CCDC102B: variants seen among roughly 807,000 people sequenced by gnomAD.
CCDC102B encodes coiled-coil domain-containing protein 102B.
Under a neutral mutation model 57.4 loss-of-function variants are expected in CCDC102B, and 75 were observed. The ratio of observed to expected loss-of-function variants is 1.31; its 90% CI spans 1.08 to 1.58. CCDC102B has a LOEUF of 1.58. Ranked by LOEUF, CCDC102B falls within the 40% of genes most tolerant of loss-of-function variation. The pLI is 0.00. For synonymous variants in CCDC102B, 206 were observed against 201.9 expected, an observed-to-expected ratio of 1.02 and a Z score of -0.17; for missense variants, 636 against 582.6, an observed-to-expected ratio of 1.09 and a Z score of -0.94.
At chr18:68,966,642 C>G (rs1355058969) in intron 6 of CCDC102B, among the ~76,000 whole-genome samples, 1 of 152,110 alleles carries the variant, frequency 6.6e-6, no homozygotes, top group East Asian at 1.9e-4. Flanking sequence ...TTGCCGCATT[C>G]CCTGCTGTAT....
In CCDC102B at chr18:68,837,374, G is replaced by GA. The variant is rs757133267; in HGVS notation, c.606+12dup. ...AAGGAGGACACAAATAATAAGGTAA[G>GA]AAAAAAATCCAGAGATGATGTGAAT... On this transcript the variant is annotated splice_donor_region_variant and intron_variant, in intron 2 of 7. Transcript: ENST00000360242. 198 of 1,594,028 alleles carry GA rather than the reference G, an allele frequency of 1.2e-4. No individual in the cohort carries two copies. The highest frequency in any genetic ancestry group is 5.1e-4 in the Middle Eastern group (3 of 5,874).
At chr18:69,028,447 A>T (rs1193282768) in intron 7 of CCDC102B, among the ~76,000 whole-genome samples, 4 of 152,162 alleles carry the variant, frequency 2.6e-5, no homozygotes, top group Non-Finnish European at 5.9e-5. Context: ...GAATTTAAAC[A>T]TTATTTGGCA....
intron 4 of CCDC102B, among the ~76,000 whole-genome samples, chr18:68,869,023 A>T (rs1176339445): frequency 6.6e-6 from 1 of 152,170 alleles, no homozygotes; most frequent in Admixed American, 6.5e-5. Context: ...GGTGACAGAG[A>T]AGGAGAAGTT....
At chr18:68,817,278 C>T (rs1185196575) in intron 1 of CCDC102B, among the ~76,000 whole-genome samples, 1 of 152,184 alleles carries the variant, frequency 6.6e-6, no homozygotes, top group African/African-American at 2.4e-5. Context: ...TACAACAGAA[C>T]TCAGTGGGAC....
intron 2 of CCDC102B, among the ~76,000 whole-genome samples, chr18:68,783,838 T>C (rs543199939): frequency 3.5e-4 from 53 of 152,268 alleles, no homozygotes; most frequent in African/African-American, 1.2e-3. Flanking sequence ...AAACATACTA[T>C]ACGGAGCCTA....
rs189604991 is a variant in CCDC102B at position 68,863,315 on chromosome 18, A to G, written c.937-11354A>G. Among the ~76,000 whole-genome samples the G allele has an allele frequency of 2.3e-3, 357 of 151,942 alleles. 1 individual carries two copies. The highest frequency in any genetic ancestry group is 8.1e-3 in the African/African-American group (337 of 41,496). On this transcript the variant is annotated intron_variant, in intron 4 of 7. Coordinates refer to ENST00000360242, the MANE Select transcript of CCDC102B (RefSeq NM_024781.3). ...GTAGTATTGTTTGCTATTTTACTCT[A>G]TCCTCTGTGTCTCCTACAAAATGAA...
At chr18:68,766,970 T>C (rs2034489207) in intron 2 of CCDC102B, among the ~76,000 whole-genome samples, 1 of 151,008 alleles carries the variant, frequency 6.6e-6, no homozygotes, top group African/African-American at 2.4e-5. Context: ...CCCCATTTCG[T>C]GGATAAGAAT....
chr18:68,756,138 T>C lies in CCDC102B; in HGVS notation c.-67+39544T>C, dbSNP rs942734981. Among the ~76,000 whole-genome samples, 4 of 151,886 alleles carry C rather than the reference T, an allele frequency of 2.6e-5. No homozygotes were observed. The South Asian group carries it at 6.3e-4, about 24-fold the overall frequency. On this transcript the variant is annotated intron_variant, in intron 2 of 3. Transcript: ENST00000578970. ...CATGGAAGATTTTCAATAAGTATTA[T>C]TTTGAATCAATAAGTTATTTCAGGC...
At chr18:68,973,764 TACAA>T (rs1392354401) in intron 6 of CCDC102B, among the ~76,000 whole-genome samples, 3 of 152,140 alleles carry the variant, frequency 2.0e-5, no homozygotes, top group Non-Finnish European at 2.9e-5. Context: ...TTTATGTTTG[TACAA>T]ACAGTGTAAT....
chr18:68,729,236 C>T (rs969649134), intron 2 of CCDC102B, among the ~76,000 whole-genome samples: 1 of 152,084 alleles, frequency 6.6e-6, no homozygotes, highest in Non-Finnish European at 1.5e-5. Context: ...TAAAGCACTG[C>T]AGTGGATAGA....
intron 6 of CCDC102B, among the ~76,000 whole-genome samples, chr18:68,950,757 A>G (rs2049673901): frequency 6.6e-6 from 1 of 152,154 alleles, no homozygotes; most frequent in Admixed American, 6.6e-5. Flanking sequence ...TGGAAAAAGC[A>G]TTATGCATAT....
chr18:68,797,420 C>T (rs1280564692), upstream of CCDC102B, among the ~76,000 whole-genome samples: 1 of 151,790 alleles, frequency 6.6e-6, no homozygotes, highest in African/African-American at 2.4e-5. Context: ...TGATCTCTCG[C>T]CTCCCCCCTC....
chr18:68,936,780 CAT>C (rs954257108), intron 6 of CCDC102B, among the ~76,000 whole-genome samples: 7 of 133,810 alleles, frequency 5.2e-5, no homozygotes, highest in African/African-American at 1.8e-4. Flanking sequence ...TACATACATA[CAT>C]ATATATACAT....
intron 1 of CCDC102B, among the ~76,000 whole-genome samples, chr18:68,804,011 T>C (rs752480187): frequency 4.6e-5 from 7 of 151,848 alleles, no homozygotes; most frequent in Non-Finnish European, 8.8e-5. Context: ...CATACTGGAG[T>C]AGGGAAAAGG....
At chr18:68,893,605 G>A (rs141626323) in intron 5 of CCDC102B, among the ~76,000 whole-genome samples, 12 of 152,250 alleles carry the variant, frequency 7.9e-5, no homozygotes, top group African/African-American at 2.9e-4. Context: ...CACACATACA[G>A]TGTGTGTCTG....
chr18:68,827,612 C>T (rs1287247028), intron 1 of CCDC102B, among the ~76,000 whole-genome samples: 1 of 151,812 alleles, frequency 6.6e-6, no homozygotes, highest in African/African-American at 2.4e-5. Flanking sequence ...ACAAAGAAAA[C>T]AAATTATAAA....
Position 68,760,485 on chromosome 18 carries a change from A to G in CCDC102B, c.-67+43891A>G, listed in dbSNP as rs144205207. Reference sequence around the variant, plus strand: ...AGAAATTTTTCTCATGAGTTATTAAATAAACACTTTTGTTGTACCAGGTGT... The same window carrying G: ...AGAAATTTTTCTCATGAGTTATTAAGTAAACACTTTTGTTGTACCAGGTGT... On this transcript the variant is annotated intron_variant, in intron 2 of 3. Coordinates refer to the CCDC102B transcript ENST00000578970. Among the ~76,000 whole-genome samples, 64 of 152,260 alleles carry G rather than the reference A, an allele frequency of 4.2e-4. 2 individuals are homozygous for G. In the East Asian group the frequency reaches 0.011, roughly 27 times the overall value.
intron 1 of CCDC102B, among the ~76,000 whole-genome samples, chr18:68,802,881 C>T (rs1417570430): frequency 6.6e-6 from 1 of 152,208 alleles, no homozygotes; most frequent in Admixed American, 6.5e-5. Flanking sequence ...GAAAGGGATA[C>T]ATGGCTTTGT....
At chr18:68,841,097 T>C (rs549518875) in intron 3 of CCDC102B, among the ~76,000 whole-genome samples, 7 of 152,330 alleles carry the variant, frequency 4.6e-5, no homozygotes, top group African/African-American at 1.7e-4. Flanking sequence ...AGTCTTTTTT[T>C]CTATCACAAG....
Sources: allele counts gnomAD v4.1 joint callset (sites outside exome capture counted in the v4.1 genomes callset), GRCh38; gene constraint gnomAD v4.1.1; transcripts MANE v1.5; gene names NCBI Gene and HGNC (gene_info 2026-07-23, HGNC 2026-07-21).